The following TNFRSF19 variants were observed in gnomAD, a reference collection of about 807,000 sequenced individuals.
The protein encoded by TNFRSF19 is TNF receptor superfamily member 19, also known as tumor necrosis factor receptor superfamily member 19.
Under a neutral mutation model 46.4 loss-of-function variants are expected in TNFRSF19, and 27 were observed. That is an observed-to-expected ratio of 0.58 (90% CI 0.43 to 0.80). The LOEUF (loss-of-function observed/expected upper bound fraction) is 0.80. TNFRSF19 is among the 30% of genes least tolerant of loss of function. TNFRSF19 has a pLI of 0.00. For missense variants in TNFRSF19, 511 were observed against 530.8 expected (o/e 0.96, Z 0.37); for synonymous variants, 204 against 205.0 (o/e 1.00, Z 0.04).
intron 3 of TNFRSF19, among the ~76,000 whole-genome samples, chr13:23,606,402 TA>T (rs1285425176): frequency 1.3e-5 from 2 of 152,042 alleles, no homozygotes; most frequent in African/African-American, 4.8e-5. Context: ...GCAATAAAAG[TA>T]AAGGTAATAA....
chr13:23,668,291 T>A (rs1042508012), intron 8 of TNFRSF19, among the ~76,000 whole-genome samples: 1 of 152,230 alleles, frequency 6.6e-6, no homozygotes, highest in Non-Finnish European at 1.5e-5. Flanking sequence ...TACACTTTAC[T>A]CTTCATTAAT....
chr13:23,637,413 A>T (rs1457232872), intron 5 of TNFRSF19, among the ~76,000 whole-genome samples: 1 of 152,252 alleles, frequency 6.6e-6, no homozygotes, highest in African/African-American at 2.4e-5. Flanking sequence ...ATTGTAAAAG[A>T]GGCAGTAATG....
intron 5 of TNFRSF19, among the ~76,000 whole-genome samples, chr13:23,656,470 G>A (rs1190047749): frequency 6.6e-6 from 1 of 152,106 alleles, no homozygotes; most frequent in African/African-American, 2.4e-5. Context: ...GAACTTAAAG[G>A]ACTCTAATTA....
intron 1 of TNFRSF19, among the ~76,000 whole-genome samples, chr13:23,580,319 C>G (rs1443556596): frequency 2.9e-5 from 4 of 137,384 alleles, no homozygotes; most frequent in Non-Finnish European, 6.5e-5. Flanking sequence ...CACCATTGTT[C>G]AGTGTTTCTT....
At chr13:23,669,141 C>A in intron 9 of TNFRSF19, 44 bp downstream of exon 9, 1 of 1,584,298 alleles carries the variant, frequency 6.3e-7, no homozygotes, top group Non-Finnish European at 8.6e-7. Context: ...CACTGACTTA[C>A]AGTAGATCAG....
chr13:23,606,308 T>A (rs1178692327), intron 3 of TNFRSF19, among the ~76,000 whole-genome samples: 1 of 152,194 alleles, frequency 6.6e-6, no homozygotes, highest in Admixed American at 6.5e-5. Context: ...TTTCTGCCTT[T>A]ATGTACTTAT....
At chr13:23,620,445 C>T (rs1444437928) in intron 4 of TNFRSF19, among the ~76,000 whole-genome samples, 1 of 152,178 alleles carries the variant, frequency 6.6e-6, no homozygotes, top group Non-Finnish European at 1.5e-5. Flanking sequence ...ATCTGTCCTC[C>T]GTGCCCACAA....
chr13:23,663,119 C>A lies in TNFRSF19; in HGVS notation c.736+2629C>A, dbSNP rs149642696. ...CAGTTTTCAAGGGGAATGCTTCCAGCTTTTCCCCAGTCAGTATGATGTTGG... is the reference window on the plus strand; with the variant it reads ...CAGTTTTCAAGGGGAATGCTTCCAGATTTTCCCCAGTCAGTATGATGTTGG... On this transcript the variant is annotated intron_variant, in intron 7 of 9. Transcript: ENST00000248484. Among the ~76,000 whole-genome samples, 321 of 152,298 alleles carry A rather than the reference C, an allele frequency of 2.1e-3. 4 individuals are homozygous for A. The highest frequency in any genetic ancestry group is 7.2e-3 in the African/African-American group (300 of 41,572).
intron 1 of TNFRSF19, among the ~76,000 whole-genome samples, chr13:23,578,875 T>A (rs1368242911): frequency 6.6e-6 from 1 of 152,098 alleles, no homozygotes; most frequent in Non-Finnish European, 1.5e-5. Flanking sequence ...GGAGGCGAAC[T>A]CGGGCTTCCC....
chr13:23,607,615 A>G (rs1013393556), intron 3 of TNFRSF19, among the ~76,000 whole-genome samples: 4 of 152,228 alleles, frequency 2.6e-5, no homozygotes, highest in Non-Finnish European at 5.9e-5. Context: ...AGACCAAACT[A>G]TTGATATATA....
intron 3 of TNFRSF19, among the ~76,000 whole-genome samples, chr13:23,600,452 C>T (rs567839718): frequency 6.6e-6 from 1 of 152,264 alleles, no homozygotes; most frequent in African/African-American, 2.4e-5. Flanking sequence ...TCATAGAGCA[C>T]CCTCCCATGC....
At chr13:23,593,298 T>A (rs1426216766) in intron 2 of TNFRSF19, 47 bp from the exon 3 acceptor site, 2 of 1,181,508 alleles carry the variant, frequency 1.7e-6, no homozygotes, top group Admixed American at 2.6e-5. Context: ...CAAAAAAAAA[T>A]GTTTAACATA....
At chr13:23,642,411 C>A (rs1488965673) in intron 5 of TNFRSF19, among the ~76,000 whole-genome samples, 2 of 152,168 alleles carry the variant, frequency 1.3e-5, no homozygotes, top group Non-Finnish European at 2.9e-5. Flanking sequence ...CCACGCTAAC[C>A]CTTTATGTGC....
At chr13:23,667,406 T>A (rs533819136) in intron 7 of TNFRSF19, among the ~76,000 whole-genome samples, 1 of 152,230 alleles carries the variant, frequency 6.6e-6, no homozygotes, top group South Asian at 2.1e-4. Context: ...GTATATGGAG[T>A]TAGAGGGTTC....
chr13:23,579,806 A>T (rs1878266985), intron 1 of TNFRSF19, among the ~76,000 whole-genome samples: 3 of 151,344 alleles, frequency 2.0e-5, no homozygotes, highest in Non-Finnish European at 4.4e-5. Flanking sequence ...CGCGACCTGG[A>T]CTCCTATCCG....
At chr13:23,591,839 C>T (rs1219985190) in intron 2 of TNFRSF19, among the ~76,000 whole-genome samples, 1 of 151,614 alleles carries the variant, frequency 6.6e-6, no homozygotes, top group Non-Finnish European at 1.5e-5. Flanking sequence ...GATTCTCCTG[C>T]CTCAGCCCTT....
intron 1 of TNFRSF19, among the ~76,000 whole-genome samples, chr13:23,578,732 C>CCTTTCAGCAAAACTGCCCAGTGAGT (rs1827985027): frequency 6.6e-6 from 1 of 152,390 alleles, no homozygotes; most frequent in African/African-American, 2.4e-5. Flanking sequence ...TTCTCTTAAC[C>CCTTTCAGCAAAACTGCCCAGTGAGT]CTTTCAGCAA....
At chr13:23,572,955 T>A (rs1217384826) in intron 1 of TNFRSF19, among the ~76,000 whole-genome samples, 1 of 152,248 alleles carries the variant, frequency 6.6e-6, no homozygotes, top group Non-Finnish European at 1.5e-5. Context: ...GTCCTGATAC[T>A]GTCACCAATT....
At chr13:23,638,532 T>C (rs555081764) in intron 5 of TNFRSF19, among the ~76,000 whole-genome samples, 1 of 152,320 alleles carries the variant, frequency 6.6e-6, no homozygotes, top group South Asian at 2.1e-4. Flanking sequence ...CGTGATCATA[T>C]TTGGCCTAGT....
Sources: allele counts gnomAD v4.1 joint callset (sites outside exome capture counted in the v4.1 genomes callset), GRCh38; gene constraint gnomAD v4.1.1; transcripts MANE v1.5; gene names NCBI Gene and HGNC (gene_info 2026-07-23, HGNC 2026-07-21).